Variants in YIF1B observed in about 807,000 individuals in gnomAD.
YIF1B encodes the protein Yip1 interacting factor homolog B, membrane trafficking protein.
YIF1B carries 24 observed loss-of-function variants against 34.6 expected under a neutral mutation model. The ratio of observed to expected loss-of-function variants is 0.69; its 90% CI spans 0.50 to 0.98. The LOEUF is 0.98. YIF1B is among the 50% of genes least tolerant of loss of function. The pLI, the probability that YIF1B is intolerant of heterozygous loss-of-function variation, is 0.00. For synonymous variants in YIF1B, 186 were observed against 184.8 expected (o/e 1.01, Z -0.05); for missense variants, 368 against 429.4 (o/e 0.86, Z 1.26).
At chr19:38,307,144 C>T in intron 7 of YIF1B, 3 of 524,246 alleles carry the variant, frequency 5.7e-6, no homozygotes, top group South Asian at 5.6e-5. Context: ...CAGGAAGGCT[C>T]CCATGTAAGG....
chr19:38,315,590 G>C (rs1969513269), intron 1 of YIF1B: 1 of 1,500,038 alleles, frequency 6.7e-7, no homozygotes. Context: ...GGGGAGCAGG[G>C]AAGGGCGGAT....
chr19:38,308,462 C>T (rs1226770684), intron 5 of YIF1B, among the ~76,000 whole-genome samples: 1 of 152,090 alleles, frequency 6.6e-6, no homozygotes, highest in Admixed American at 6.6e-5. Context: ...ACAGGACCAT[C>T]CTGGCTGCTG....
In YIF1B at chr19:38,304,641, T is replaced by C. The variant is rs745785879; in HGVS notation, c.*711A>G. 6.2e-7 allele frequency: 1 copy of C among 1,613,430 alleles called. No homozygotes were observed. Among genetic ancestry groups the C allele is most frequent in the East Asian group, 2.2e-5 (1 of 44,852 alleles). Reference sequence around the variant, plus strand: ...CCATCCAGCAAGGACACCACAGCTCTTCCGACTCCAGCAGCAGCTCCAGCG... The same window carrying C: ...CCATCCAGCAAGGACACCACAGCTCCTCCGACTCCAGCAGCAGCTCCAGCG... On this transcript the variant is annotated 3_prime_UTR_variant, in exon 8 of 8. Transcript: ENST00000339413.
At position 38,309,321 on chromosome 19, in the gene YIF1B, C is replaced by G. The variant is rs778679590; in HGVS notation, c.305G>C (p.Arg102Pro). 1.9e-6 allele frequency: 3 copies of G among 1,614,036 alleles called. No homozygotes were observed. The highest frequency in any genetic ancestry group is 1.7e-6 in the Non-Finnish European group (2 of 1,179,962). The part of the protein sequence containing the change: ...GKELVDKNID[R>P]FIPITKLKYY... ...CTTGAGCTTGGTGATGGGGATGAAG[C>G]GGTCGATCTGGGGAGGCAGAGCTCA... The change falls in exon 3 of 8, where the codon CGC (arginine) becomes CCC (proline). Residue 102 changes from arginine (R) to proline (P), a missense_variant. Transcript: ENST00000339413.
At position 38,307,715 on chromosome 19, in the gene YIF1B, C is replaced by T; in HGVS notation, c.577G>A (p.Ala193Thr). 1 of 1,613,274 alleles carries T rather than the reference C, an allele frequency of 6.2e-7. No homozygotes were observed. The highest frequency in any genetic ancestry group is 8.5e-7 in the Non-Finnish European group (1 of 1,180,002). ...PDLLGLQASS[A>T]LAWLTLEVLA... ...ACCTCCAGGGTCAGCCAGGCCAGGG[C>T]TGAGCTCGCTTGCAGCCCCAGGAGG... Residue 193 changes from alanine to threonine, a missense_variant, in exon 6 of 8, where the codon GCC becomes ACC. By Grantham distance (58) the Ala-to-Thr change is moderately conservative. Around this residue, in one of 3 missense-constraint regions of YIF1B, gnomAD observed 208 missense variants for 247.8 expected, o/e 0.84. Coordinates refer to ENST00000339413, the MANE Select transcript of YIF1B (RefSeq NM_001039672.3).
At chr19:38,308,634 G>A (rs1337850417) in intron 5 of YIF1B, among the ~76,000 whole-genome samples, 158 bp downstream of exon 5, 2 of 152,114 alleles carry the variant, frequency 1.3e-5, no homozygotes, top group East Asian at 3.8e-4. Context: ...AGGCGAGGGT[G>A]ATGCTGACAG....
upstream of YIF1B, among the ~76,000 whole-genome samples, chr19:38,318,297 T>G (rs1321863159): frequency 6.6e-6 from 1 of 152,022 alleles, no homozygotes; most frequent in East Asian, 1.9e-4. Context: ...TACTTTTTAT[T>G]TTTTTGAGGC....
chr19:38,320,153 C>T, upstream of YIF1B: 1 of 1,595,500 alleles, frequency 6.3e-7, no homozygotes, highest in Non-Finnish European at 8.5e-7. Flanking sequence ...CGAGTGCTGG[C>T]GGCCGGACGG....
In YIF1B at chr19:38,305,504, G is replaced by A. The variant is rs771436535; in HGVS notation, c.793C>T (p.Arg265Trp). The change falls in exon 8 of 8, where the codon CGG becomes TGG. Residue 265 changes from arginine to tryptophan, a missense_variant. By Grantham distance (101) the Arg-to-Trp change is moderately radical. Around this residue, in one of 3 missense-constraint regions of YIF1B, gnomAD observed 208 missense variants for 247.8 expected, o/e 0.84. Coordinates refer to ENST00000339413, the MANE Select transcript of YIF1B (RefSeq NM_001039672.3). The stretch of plus-strand genomic sequence containing the variant: ...GCCAAGATCTTCAGCCGCAGCGTCC[G>A]GATCTGGGTGGGAAAGAGAGAGAGG... ...CCVAIFVFMI[R>W]TLRLKILADA... 3.7e-6 allele frequency: 6 copies of A among 1,601,052 alleles called. No homozygotes were observed. Among genetic ancestry groups the A allele is most frequent in the Non-Finnish European group, 4.3e-6 (5 of 1,170,746 alleles).
In YIF1B at chr19:38,305,400, C is replaced by T. The variant is rs745692189; in HGVS notation, c.897G>A (p.Ala299=). Residue 299 remains alanine, a synonymous_variant, in exon 8 of 8, where the codon GCG becomes GCA. Coordinates refer to ENST00000339413, the MANE Select transcript of YIF1B (RefSeq NM_001039672.3). ...LRMYLTMAVA[A]AQPMLMYWLT... ...GCCAGTACATGAGCATAGGCTGCGCCGCCGCCACCGCCATGGTCAGGTACA... is the reference window on the plus strand; with the variant it reads ...GCCAGTACATGAGCATAGGCTGCGCTGCCGCCACCGCCATGGTCAGGTACA... 8.1e-6 allele frequency: 13 copies of T among 1,609,184 alleles called. No homozygotes were observed. Among genetic ancestry groups the T allele is most frequent in the Middle Eastern group, 1.6e-4 (1 of 6,062 alleles).
At chr19:38,318,678 C>G (rs1969610959), upstream of YIF1B, among the ~76,000 whole-genome samples, 1 of 152,194 alleles carries the variant, frequency 6.6e-6, no homozygotes, top group African/African-American at 2.4e-5. Context: ...GCCTCTGCTT[C>G]TGGATTGTCA....
At chr19:38,321,375 T>G (rs1280840509), upstream of YIF1B, among the ~76,000 whole-genome samples, 1 of 152,120 alleles carries the variant, frequency 6.6e-6, no homozygotes, top group Non-Finnish European at 1.5e-5. Flanking sequence ...ACATCTCCCC[T>G]ATATGGGGTC....
chr19:38,305,783 G>C (rs1032045149), intron 7 of YIF1B, among the ~76,000 whole-genome samples: 3 of 152,216 alleles, frequency 2.0e-5, no homozygotes, highest in Non-Finnish European at 4.4e-5. Context: ...GGGTGAAGGG[G>C]GACTTCCCGG....
At position 38,304,501 on chromosome 19, in the gene YIF1B, T is replaced by C. The variant is rs1185623551; in HGVS notation, c.*851A>G. On this transcript the variant is annotated 3_prime_UTR_variant, in exon 8 of 8. Transcript: ENST00000339413. ...GGTCCGGGTCCAAAGGTAAGTCGCC[T>C]CATCACCGGCTGCGGAGGGGCGGGA... 1.3e-6 allele frequency: 2 copies of C among 1,559,192 alleles called. No individual in the cohort carries two copies. Among genetic ancestry groups the C allele is most frequent in the African/African-American group, 1.4e-5 (1 of 73,542 alleles).
upstream of YIF1B, chr19:38,320,067 G>A: frequency 1.3e-6 from 2 of 1,524,662 alleles, no homozygotes; most frequent in Non-Finnish European, 1.8e-6. Context: ...TCCGAGCCGA[G>A]CTGGAGACGC....
chr19:38,312,090 G>C (rs1008778606), intron 1 of YIF1B, among the ~76,000 whole-genome samples: 1 of 146,970 alleles, frequency 6.8e-6, no homozygotes, highest in Non-Finnish European at 1.5e-5. Context: ...GCTACAGAGC[G>C]AGACTCCATC....
intron 1 of YIF1B, among the ~76,000 whole-genome samples, chr19:38,315,216 G>A (rs913363186): frequency 6.7e-6 from 1 of 149,214 alleles, no homozygotes; most frequent in African/African-American, 2.5e-5. Context: ...TTGCACTCCA[G>A]CCTTGGCAAC....
chr19:38,307,537 G>A lies in YIF1B; in HGVS notation c.696-16C>T, dbSNP rs780681535. The A allele has an allele frequency of 1.2e-6, 2 of 1,613,842 alleles. No individual in the cohort carries two copies. The highest frequency in any genetic ancestry group is 1.1e-5 in the South Asian group (1 of 91,076). Reference sequence around the variant, plus strand: ...GCCAATCATCCTGGGGGAGGGAGAGGAGGCTGTGTGAGGACAAGGCCCAAG... The same window carrying A: ...GCCAATCATCCTGGGGGAGGGAGAGAAGGCTGTGTGAGGACAAGGCCCAAG... On this transcript the variant is annotated splice_polypyrimidine_tract_variant and intron_variant, in intron 6 of 7. Transcript: ENST00000339413.
At position 38,303,996 on chromosome 19, in the gene YIF1B, G is replaced by C. The variant is rs1304632888; in HGVS notation, c.*1356C>G. Among the ~76,000 whole-genome samples the C allele has an allele frequency of 6.6e-6, 1 of 152,186 alleles. No homozygotes were observed. The highest frequency in any genetic ancestry group is 1.5e-5 in the Non-Finnish European group (1 of 68,018). ...TTTTGGGGGAAACCTGTAGCTCCCC[G>C]AATGCCATCCACAGAGCCCCCCTCA... On this transcript the variant is annotated 3_prime_UTR_variant, in exon 8 of 8. Transcript: ENST00000339413.
Sources: gnomAD v4.1 joint callset for allele counts (sites outside exome capture counted in the v4.1 genomes callset) on GRCh38, gnomAD v4.1.1 for gene constraint, gnomAD v4.1.1 regional missense constraint, MANE v1.5 for transcripts, NCBI Gene and HGNC (gene_info 2026-07-23, HGNC 2026-07-21) for gene names.